Variants in SPPL3 observed in about 807,000 individuals in gnomAD.
SPPL3 encodes signal peptide peptidase like 3.
A neutral mutation model predicts 42.4 loss-of-function variants in SPPL3; 5 were observed. The observed-to-expected ratio is 0.12, with a 90% CI of 0.06 to 0.25. The LOEUF (loss-of-function observed/expected upper bound fraction) is 0.25. Ranked by LOEUF, SPPL3 falls within the 10% of genes least tolerant of loss-of-function variation. The pLI is 1.00. For missense variants in SPPL3, 235 were observed against 489.0 expected (o/e 0.48, Z 4.90); for synonymous variants, 195 against 181.8 (o/e 1.07, Z -0.58).
chr12:120,859,242 C>T (rs1872555860), intron 1 of SPPL3, among the ~76,000 whole-genome samples: 1 of 152,068 alleles, frequency 6.6e-6, no homozygotes, highest in African/African-American at 2.4e-5. Flanking sequence ...ATCCAAAAAT[C>T]CAAAATCCAA....
intron 1 of SPPL3, among the ~76,000 whole-genome samples, chr12:120,835,046 G>C (rs145255120): frequency 6.6e-6 from 1 of 152,110 alleles, no homozygotes; most frequent in Non-Finnish European, 1.5e-5. Context: ...ACTCTTCTAT[G>C]TTAATCACCT....
chr12:120,802,714 C>A lies in SPPL3; in HGVS notation c.101+8095G>T, dbSNP rs118025645. 1.1e-3 allele frequency among the ~76,000 whole-genome samples: 160 copies of A among 152,070 alleles called. 1 individual carries two copies. The East Asian group carries it at 0.028, about 27-fold the overall frequency. ...CCTCTGAACATGCTGGGATTACAAG[C>A]GTGAGCCACCGTGCCTGGTCTGCTA... On this transcript the variant is annotated intron_variant, in intron 2 of 10. Transcript: ENST00000353487.
intron 6 of SPPL3, among the ~76,000 whole-genome samples, chr12:120,781,064 T>C (rs1347132559): frequency 6.6e-6 from 1 of 152,154 alleles, no homozygotes; most frequent in Non-Finnish European, 1.5e-5. Flanking sequence ...CTTTTGAAAA[T>C]GGAAACAAAC....
At chr12:120,900,795 G>T (rs184385166) in intron 1 of SPPL3, among the ~76,000 whole-genome samples, 6 of 151,906 alleles carry the variant, frequency 3.9e-5, no homozygotes, top group Middle Eastern at 3.4e-3. Flanking sequence ...GGTTGTGCAC[G>T]TCTGTGGTCC....
chr12:120,859,263 T>C (rs189597960), intron 1 of SPPL3, among the ~76,000 whole-genome samples: 1 of 152,302 alleles, frequency 6.6e-6, no homozygotes, highest in East Asian at 1.9e-4. Context: ...AATGCTACAA[T>C]GAGCTTTTCC....
intron 1 of SPPL3, among the ~76,000 whole-genome samples, chr12:120,834,595 G>A (rs1005633855): frequency 2.0e-5 from 3 of 152,234 alleles, no homozygotes; most frequent in South Asian, 2.1e-4. Flanking sequence ...TTCCTCTCCC[G>A]TCGCCATACT....
chr12:120,794,112 TCTTG>T (rs754116596), intron 2 of SPPL3, among the ~76,000 whole-genome samples: 1 of 152,250 alleles, frequency 6.6e-6, no homozygotes, highest in East Asian at 1.9e-4. Context: ...TGTTATGCTC[TCTTG>T]CTTAATTGAC....
At chr12:120,844,361 T>C (rs530276330) in intron 1 of SPPL3, among the ~76,000 whole-genome samples, 1 of 152,314 alleles carries the variant, frequency 6.6e-6, no homozygotes, top group South Asian at 2.1e-4. Flanking sequence ...TAACTAGTCT[T>C]ACTCCCATTC....
intron 1 of SPPL3, among the ~76,000 whole-genome samples, chr12:120,844,267 T>C (rs559280516): frequency 5.9e-5 from 9 of 152,276 alleles, no homozygotes; most frequent in African/African-American, 9.6e-5. Flanking sequence ...CTCCAAAACA[T>C]AGCCTAAACC....
Position 120,763,873 on chromosome 12 carries a change from CAA to C in SPPL3, c.*1124_*1125del, listed in dbSNP as rs3078036. On this transcript the variant is annotated 3_prime_UTR_variant, in exon 11 of 11. Coordinates refer to ENST00000353487, the MANE Select transcript of SPPL3 (RefSeq NM_139015.5). ...ACAGCACACCAATGAAACAAAATGT[CAA>C]AAAAAAAAATACAAAAAAATAGAAA... is the stretch of plus-strand genomic sequence containing the variant. The C allele has an allele frequency of 0.52, 73,397 of 141,602 alleles. 18,817 individuals carry two copies. Among genetic ancestry groups the C allele is most frequent in the Admixed American group, 0.6 (8,583 of 14,214 alleles). 8.8% of individuals were successfully genotyped at this position (141,602 alleles called of 1,614,324 possible).
At chr12:120,897,583 C>T (rs541263409) in intron 1 of SPPL3, among the ~76,000 whole-genome samples, 1 of 152,134 alleles carries the variant, frequency 6.6e-6, no homozygotes, top group Non-Finnish European at 1.5e-5. Flanking sequence ...ATTAGCTGGG[C>T]GTGGTGGCGG....
chr12:120,852,804 A>ATAT lies in SPPL3; in HGVS notation c.24-41921_24-41919dup, dbSNP rs1270372533. Among the ~76,000 whole-genome samples, 116 of 35,562 alleles carry ATAT rather than the reference A, an allele frequency of 3.3e-3. 1 individual carries two copies. Among genetic ancestry groups the ATAT allele is most frequent in the African/African-American group, 6.5e-3 (90 of 13,940 alleles). 23.3% of individuals were successfully genotyped at this position (35,562 alleles called of 152,430 possible). Reference sequence around the variant, plus strand: ...AATATATTTCATATATCATATATACATATATGAAATATATATTTCATATAA... The same window carrying ATAT: ...AATATATTTCATATATCATATATACATATTATATGAAATATATATTTCATATAA... On this transcript the variant is annotated intron_variant, in intron 1 of 10. Transcript: ENST00000353487.
At chr12:120,769,133 G>A in intron 6 of SPPL3, 74 bp from the exon 7 acceptor site, 2 of 1,184,432 alleles carry the variant, frequency 1.7e-6, no homozygotes, top group Non-Finnish European at 2.4e-6. Context: ...ACAAGCTATG[G>A]CCCTTCACAG....
At chr12:120,822,234 A>ATCT (rs1290914931) in intron 1 of SPPL3, among the ~76,000 whole-genome samples, 2 of 152,224 alleles carry the variant, frequency 1.3e-5, no homozygotes, top group Non-Finnish European at 1.5e-5. Flanking sequence ...ACACTTAGAA[A>ATCT]AAGTTCAATG....
chr12:120,827,080 T>C (rs61523086), intron 1 of SPPL3, among the ~76,000 whole-genome samples: 13,412 of 151,970 alleles, frequency 0.088, 1,737 homozygotes, highest in African/African-American at 0.29. Flanking sequence ...AGTCAAATTC[T>C]TGGTTAGAGT....
intron 1 of SPPL3, among the ~76,000 whole-genome samples, chr12:120,837,837 CAT>C (rs567012046): frequency 0.02 from 2,997 of 151,492 alleles, 54 homozygotes; most frequent in African/African-American, 0.042. Context: ...CACACACACA[CAT>C]GACTAGTGCC....
intron 6 of SPPL3, among the ~76,000 whole-genome samples, chr12:120,770,880 C>T (rs1869093873): frequency 4.6e-5 from 7 of 152,226 alleles, no homozygotes; most frequent in Admixed American, 3.3e-4. Context: ...ATATACTTGG[C>T]TGTCTAGTTG....
chr12:120,819,026 T>C (rs645786), intron 1 of SPPL3, among the ~76,000 whole-genome samples: 136,411 of 152,210 alleles, frequency 0.9, 62,097 homozygotes, highest in East Asian at 1. Flanking sequence ...CCATCTACTG[T>C]CATATGTTGT....
At chr12:120,866,594 C>T (rs762512724) in intron 1 of SPPL3, among the ~76,000 whole-genome samples, 7 of 152,248 alleles carry the variant, frequency 4.6e-5, no homozygotes, top group Non-Finnish European at 7.4e-5. Flanking sequence ...GAATTTAAAA[C>T]GGAGAAATAA....
Sources: allele counts gnomAD v4.1 joint callset (sites outside exome capture counted in the v4.1 genomes callset), GRCh38; gene constraint gnomAD v4.1.1; transcripts MANE v1.5; gene names NCBI Gene and HGNC (gene_info 2026-07-23, HGNC 2026-07-21).